Variants in FLNB observed in about 807,000 individuals in gnomAD.
FLNB encodes the protein filamin B.
FLNB carries 111 observed loss-of-function variants against 250.6 expected under a neutral mutation model. The observed-to-expected ratio is 0.44, with a 90% confidence interval of 0.38 to 0.52. The LOEUF (loss-of-function observed/expected upper bound fraction) is 0.52, where lower values mean the gene tolerates loss of function less well. FLNB is among the 20% of genes least tolerant of loss of function. FLNB has a pLI of 0.00. For missense variants in FLNB, 2,869 were observed against 3,447.8 expected (o/e 0.83, Z 4.20); for synonymous variants, 1,302 against 1,372.1 (o/e 0.95, Z 1.13).
chr3:58,104,543 CTG>C (rs772393162), intron 10 of FLNB, among the ~76,000 whole-genome samples: 2 of 152,204 alleles, frequency 1.3e-5, no homozygotes, highest in African/African-American at 2.4e-5. Flanking sequence ...CCTCTGCGTT[CTG>C]TGTTTTCCAG....
At chr3:58,094,791 A>C (rs570016927) in intron 4 of FLNB, 45 bp from the exon 5 acceptor site, 1 of 1,518,894 alleles carries the variant, frequency 6.6e-7, no homozygotes, top group African/African-American at 1.4e-5. Flanking sequence ...GGCTCATGAC[A>C]CACCCTCGCC....
chr3:58,132,525 C>T lies in FLNB; in HGVS notation c.4391-283C>T, dbSNP rs537365554. On this transcript the variant is annotated intron_variant, in intron 25 of 45. Transcript: ENST00000295956. Reference sequence around the variant, plus strand: ...ACACACATCATCCACATACACCCTCCAGCAGCAAGCACAGGCAGTCTCCTT... The same window carrying T: ...ACACACATCATCCACATACACCCTCTAGCAGCAAGCACAGGCAGTCTCCTT... The T allele has an allele frequency of 2.6e-4, 133 of 514,032 alleles. 2 individuals carry two copies. In the South Asian group the frequency reaches 2.7e-3, roughly 10 times the overall value. The allele number at this position is 514,032 out of a possible 1,614,324, so 31.8% of individuals were successfully genotyped here. A position where few individuals can be genotyped will look rare whatever the true frequency, so the allele number is the denominator to read the frequency against.
chr3:58,030,124 G>T (rs753736575), intron 1 of FLNB, among the ~76,000 whole-genome samples: 2 of 152,176 alleles, frequency 1.3e-5, no homozygotes, highest in Non-Finnish European at 2.9e-5. Flanking sequence ...GTTAGAACAT[G>T]CTAATGGCAC....
rs778860971 is a variant in FLNB at position 58,098,684 on chromosome 3, G to A, written c.1148-27G>A. The A allele has an allele frequency of 1.4e-5, 22 of 1,612,288 alleles. 1 individual carries two copies. The Admixed American group carries it at 3.5e-4, about 26-fold the overall frequency. On this transcript the variant is annotated intron_variant, in intron 7 of 45. Transcript: ENST00000295956. ...TGAGCTTTCAGAGAGGGTGACTTGGGCTCATGGAATGCTTGCTTTCTTGTA... is the reference window on the plus strand; with the variant it reads ...TGAGCTTTCAGAGAGGGTGACTTGGACTCATGGAATGCTTGCTTTCTTGTA...
At chr3:58,111,701 T>G in intron 16 of FLNB, 90 bp from the exon 17 acceptor site, 1 of 920,890 alleles carries the variant, frequency 1.1e-6, no homozygotes, top group Non-Finnish European at 1.8e-6. Flanking sequence ...TAAGTCAGAG[T>G]GATGCTAAGG....
chr3:58,040,822 C>T (rs1447608313), intron 1 of FLNB, among the ~76,000 whole-genome samples: 1 of 152,184 alleles, frequency 6.6e-6, no homozygotes, highest in African/African-American at 2.4e-5. Flanking sequence ...ATATACTCCC[C>T]GCTCCATCCC....
intron 43 of FLNB, 107 bp from the exon 44 acceptor site, chr3:58,168,333 G>A: frequency 1.2e-6 from 1 of 862,514 alleles, no homozygotes. Context: ...TGCCACCAGG[G>A]TGAGCCCTCT....
intron 4 of FLNB, among the ~76,000 whole-genome samples, chr3:58,089,076 C>G (rs1349802585): frequency 6.6e-6 from 1 of 151,656 alleles, no homozygotes; most frequent in African/African-American, 2.4e-5. Flanking sequence ...GACCCAGAGT[C>G]TCATTACATG....
Position 58,156,009 on chromosome 3 carries a change from C to T in FLNB, c.6822C>T (p.Ser2274=). ...IKFNDEHIPE[S]PYLVPVIAPS... ...TCAATGATGAGCACATCCCGGAAAG[C>T]CCCTACCTGGTGCCGGTCATCGCAC... is the stretch of plus-strand genomic sequence containing the variant. The change falls in exon 41 of 46, where the codon AGC becomes AGT. Residue 2274 remains serine, a synonymous_variant. Coordinates refer to ENST00000295956, the MANE Select transcript of FLNB (RefSeq NM_001457.4). 6 of 1,614,142 alleles carry T rather than the reference C, an allele frequency of 3.7e-6. No individual in the cohort carries two copies. Among genetic ancestry groups the T allele is most frequent in the Non-Finnish European group, 4.2e-6 (5 of 1,180,000 alleles).
chr3:58,105,161 C>T lies in FLNB; in HGVS notation c.1692C>T (p.Val564=), dbSNP rs749242473. 49 of 1,614,066 alleles carry T rather than the reference C, an allele frequency of 3.0e-5. No homozygotes were observed. The highest frequency in any genetic ancestry group is 5.3e-5 in the African/African-American group (4 of 74,928). The change falls in exon 11 of 46, where the codon GTC becomes GTT. Residue 564 remains valine (V), a synonymous_variant. Coordinates refer to ENST00000295956, the MANE Select transcript of FLNB (RefSeq NM_001457.4). ...GCCCTGGGCTCCATGGTGGGATTGT[C>T]GGGCGGTCAGCGGACTTCGTGGTAG... ...AWGPGLHGGI[V]GRSADFVVES... is the part of the protein sequence containing the mutation.
At chr3:58,148,144 C>A in intron 34 of FLNB, 62 bp from the exon 35 acceptor site, 2 of 1,538,500 alleles carry the variant, frequency 1.3e-6, no homozygotes, top group Non-Finnish European at 1.8e-6. Context: ...TATGGCATGG[C>A]AGCTCTGTGA....
chr3:58,075,876 G>A (rs893053507), intron 1 of FLNB, among the ~76,000 whole-genome samples: 1 of 152,104 alleles, frequency 6.6e-6, no homozygotes, highest in African/African-American at 2.4e-5. Flanking sequence ...TGGGTATAGG[G>A]AAACGGAGAG....
At chr3:58,130,941 C>A in intron 25 of FLNB, 33 bp downstream of exon 25, 2 of 1,594,688 alleles carry the variant, frequency 1.3e-6, no homozygotes, top group Admixed American at 1.7e-5. Context: ...TGCAGACATT[C>A]ATCTGCCCCA....
intron 32 of FLNB, among the ~76,000 whole-genome samples, chr3:58,144,378 C>T (rs537008901): frequency 5.4e-4 from 82 of 152,276 alleles, no homozygotes; most frequent in African/African-American, 1.8e-3. Flanking sequence ...AGGCATGAGC[C>T]GCCACGCCTG....
At chr3:58,167,646 C>T (rs1182214741) in intron 43 of FLNB, among the ~76,000 whole-genome samples, 1 of 152,260 alleles carries the variant, frequency 6.6e-6, no homozygotes, top group East Asian at 1.9e-4. Flanking sequence ...GGCAGCTCCA[C>T]TGCCCATCCA....
At chr3:58,109,962 G>A in intron 15 of FLNB, 48 bp from the exon 16 acceptor site, 1 of 1,609,728 alleles carries the variant, frequency 6.2e-7, no homozygotes, top group African/African-American at 1.3e-5. Flanking sequence ...GATTGCACAG[G>A]ACATGCTGTT....
chr3:58,030,363 A>C (rs1029874951), intron 1 of FLNB, among the ~76,000 whole-genome samples: 1 of 152,218 alleles, frequency 6.6e-6, no homozygotes, highest in Non-Finnish European at 1.5e-5. Context: ...GGGATCCAGC[A>C]TCTAAATGAT....
At chr3:58,088,505 AG>A (rs145658155) in intron 4 of FLNB, among the ~76,000 whole-genome samples, 4,905 of 152,316 alleles carry the variant, frequency 0.032, 112 homozygotes, top group Non-Finnish European at 0.049. Flanking sequence ...CCTCTGAAAA[AG>A]GATGAGGCAG....
At chr3:58,127,567 G>A (rs1477389158) in intron 24 of FLNB, among the ~76,000 whole-genome samples, 1 of 152,112 alleles carries the variant, frequency 6.6e-6, no homozygotes, top group Admixed American at 6.5e-5. Flanking sequence ...GGGCTGTCCT[G>A]TTCATTGTAG....
Sources: gnomAD v4.1 joint callset for allele counts (sites outside exome capture counted in the v4.1 genomes callset) on GRCh38, gnomAD v4.1.1 for gene constraint, MANE v1.5 for transcripts, NCBI Gene and HGNC (gene_info 2026-07-23, HGNC 2026-07-21) for gene names.